MTREX: variants seen among roughly 807,000 people sequenced by gnomAD.
MTREX encodes the protein exosome RNA helicase MTR4.
Under a neutral mutation model 135.4 loss-of-function variants are expected in MTREX, and 76 were observed. The ratio of observed to expected loss-of-function variants is 0.56; its 90% confidence interval spans 0.47 to 0.68. The LOEUF (loss-of-function observed/expected upper bound fraction) is 0.68. Among genes scored for constraint, MTREX ranks in the 30% least tolerant of loss-of-function variants. MTREX has a pLI of 0.00. For synonymous variants in MTREX, 404 were observed against 401.6 expected (o/e 1.01, Z -0.07); for missense variants, 920 against 1,262.1 (o/e 0.73, Z 4.11).
intron 21 of MTREX, among the ~76,000 whole-genome samples, chr5:55,402,872 GTA>G (rs1554034711): frequency 7.2e-6 from 1 of 138,778 alleles, no homozygotes; most frequent in Admixed American, 7.4e-5. Context: ...GTGTGTGTGT[GTA>G]TATATATAAT....
At chr5:55,387,184 C>T (rs2045351) in intron 18 of MTREX, among the ~76,000 whole-genome samples, 150,609 of 152,184 alleles carry the variant, frequency 0.99, 74,554 homozygotes, top group Middle Eastern at 1. Flanking sequence ...TGATTTAAAA[C>T]AATTGTGATT....
Position 55,416,064 on chromosome 5 carries a change from A to G in MTREX, c.2903A>G (p.Asp968Gly). ...AGCTCATTTAAACCTCACTTAATGG[A>G]TGTAGTATATACCTGGGCAACTGGA... Reference protein sequence around the residue: ...YLSSFKPHLMDVVYTWATGAT... With the variant: ...YLSSFKPHLMGVVYTWATGAT... The change falls in exon 25 of 27, where the codon GAT (aspartate) becomes GGT (glycine). Residue 968 changes from aspartate (D) to glycine (G), a missense_variant. Transcript: ENST00000230640. 2 of 1,603,228 alleles carry G rather than the reference A, an allele frequency of 1.2e-6. No individual in the cohort carries two copies. The highest frequency in any genetic ancestry group is 1.7e-6 in the Non-Finnish European group (2 of 1,176,226).
intron 16 of MTREX, among the ~76,000 whole-genome samples, chr5:55,371,352 G>A (rs886770647): frequency 3.9e-5 from 6 of 152,078 alleles, no homozygotes; most frequent in Non-Finnish European, 7.4e-5. Flanking sequence ...TCATTTCCTA[G>A]TCACTCCCAG....
intron 20 of MTREX, 74 bp downstream of exon 20, chr5:55,397,600 A>G: frequency 2.5e-6 from 2 of 812,720 alleles, no homozygotes; most frequent in African/African-American, 1.7e-5. Context: ...GGCAACTGAA[A>G]TGCTTTTAAA....
chr5:55,320,837 A>G (rs1749277360), intron 1 of MTREX, among the ~76,000 whole-genome samples: 1 of 152,172 alleles, frequency 6.6e-6, no homozygotes, highest in Non-Finnish European at 1.5e-5. Context: ...GGGCAAAGTC[A>G]CAATTTTCCG....
In MTREX at chr5:55,414,234, T is replaced by C; in HGVS notation, c.2804T>C (p.Met935Thr). Reference protein sequence around the residue: ...TEQLAGPLRQMQECAKRIAKV... With the variant: ...TEQLAGPLRQTQECAKRIAKV... ...CAATTAGCAGGACCACTTCGTCAAA[T>C]GCAGGTAAGGTTTTTTTTTTTTTTT... The change falls in exon 24 of 27, where the codon ATG (methionine) becomes ACG (threonine). Residue 935 changes from methionine (M) to threonine (T), a missense_variant. This residue lies in a region of MTREX where 467 missense variants were observed against 589.7 expected (regional missense o/e 0.79). Transcript: ENST00000230640. 1 of 1,559,242 alleles carries C rather than the reference T, an allele frequency of 6.4e-7. No homozygotes were observed. The highest frequency in any genetic ancestry group is 1.2e-5 in the South Asian group (1 of 81,132).
intron 15 of MTREX, among the ~76,000 whole-genome samples, chr5:55,363,569 A>G (rs1579871404): frequency 6.6e-6 from 1 of 152,302 alleles, no homozygotes; most frequent in East Asian, 1.9e-4. Flanking sequence ...GTCTCTTGAT[A>G]CATTGTTTTA....
chr5:55,395,065 C>T (rs1750626769), intron 19 of MTREX, among the ~76,000 whole-genome samples: 1 of 149,934 alleles, frequency 6.7e-6, no homozygotes, highest in South Asian at 2.1e-4. Flanking sequence ...GATTTATAAC[C>T]ATATGAAAAT....
chr5:55,414,438 C>G (rs755671357), intron 24 of MTREX, among the ~76,000 whole-genome samples, 200 bp downstream of exon 24: 1 of 151,986 alleles, frequency 6.6e-6, no homozygotes, highest in Admixed American at 6.6e-5. Flanking sequence ...AATAATTAAA[C>G]AGTATTTCTT....
chr5:55,364,018 T>G (rs947867080), intron 15 of MTREX, among the ~76,000 whole-genome samples: 3 of 152,132 alleles, frequency 2.0e-5, no homozygotes, highest in African/African-American at 7.2e-5. Flanking sequence ...CAGGGAAATT[T>G]GAGATGATTC....
intron 25 of MTREX, among the ~76,000 whole-genome samples, chr5:55,417,754 A>G (rs898089855): frequency 7.2e-5 from 11 of 152,216 alleles, no homozygotes. Context: ...TTTTTGGAAC[A>G]TAAGGATGAA....
rs374491911 is a variant in MTREX, at chr5:55,351,056, C to G, written c.1431+27C>G. ...TATGGTTTTATTTTTATTTTTTATGCCCCCATATCATGTTGTATGAAGAGT... is the reference window on the plus strand; with the variant it reads ...TATGGTTTTATTTTTATTTTTTATGGCCCCATATCATGTTGTATGAAGAGT... On this transcript the variant is annotated intron_variant, in intron 13 of 26. Coordinates refer to ENST00000230640, the MANE Select transcript of MTREX (RefSeq NM_015360.5). 3.8e-6 allele frequency: 6 copies of G among 1,570,520 alleles called. No individual in the cohort carries two copies. The African/African-American group carries it at 6.9e-5, about 18-fold the overall frequency.
At chr5:55,413,515 C>G (rs951111430) in intron 23 of MTREX, among the ~76,000 whole-genome samples, 2 of 151,968 alleles carry the variant, frequency 1.3e-5, no homozygotes, top group Non-Finnish European at 2.9e-5. Context: ...TTTTATTTTT[C>G]TTTGACAGGG....
chr5:55,402,576 A>G (rs916111795), intron 21 of MTREX, among the ~76,000 whole-genome samples: 1 of 152,236 alleles, frequency 6.6e-6, no homozygotes, highest in African/African-American at 2.4e-5. Flanking sequence ...CTGCAATAAC[A>G]TGTAAGAAAG....
At chr5:55,417,926 T>TATTTTG (rs1364798529) in intron 25 of MTREX, among the ~76,000 whole-genome samples, 1 of 151,792 alleles carries the variant, frequency 6.6e-6, no homozygotes, top group Admixed American at 6.6e-5. Context: ...TTTTTATTTT[T>TATTTTG]TATTTTTTTT....
rs1313108477 is a variant in MTREX, at chr5:55,414,213, T to C, written c.2783T>C (p.Leu928Ser). 6.4e-7 allele frequency: 1 copy of C among 1,574,706 alleles called. No individual in the cohort carries two copies. Among genetic ancestry groups the C allele is most frequent in the Non-Finnish European group, 8.6e-7 (1 of 1,168,902 alleles). Residue 928 changes from leucine to serine, a missense_variant, in exon 24 of 27, where the codon TTA becomes TCA. This residue lies in a region of MTREX where 467 missense variants were observed against 589.7 expected (regional missense o/e 0.79). Transcript: ENST00000230640. ...GAGATGCCCAAATTAACAGAACAAT[T>C]AGCAGGACCACTTCGTCAAATGCAG... ...SSEMPKLTEQ[L>S]AGPLRQMQEC...
chr5:55,393,496 G>A (rs533137561), intron 19 of MTREX, among the ~76,000 whole-genome samples: 2 of 152,238 alleles, frequency 1.3e-5, no homozygotes, highest in South Asian at 4.1e-4. Context: ...ACCATATTTT[G>A]TTTCAGGTGA....
At position 55,377,998 on chromosome 5, in the gene MTREX, CA is replaced by C. The variant is rs56851771; in HGVS notation, c.1811-302del. Among the ~76,000 whole-genome samples, 535 of 134,572 alleles carry C rather than the reference CA, an allele frequency of 4.0e-3. 2 individuals are homozygous for C. The highest frequency in any genetic ancestry group is 7.4e-3 in the African/African-American group (274 of 36,860). 88.3% of individuals were successfully genotyped at this position (134,572 alleles called of 152,430 possible). A position where few individuals can be genotyped will look rare whatever the true frequency, so the allele number is the denominator to read the frequency against. On this transcript the variant is annotated intron_variant, in intron 16 of 26. Coordinates refer to ENST00000230640, the MANE Select transcript of MTREX (RefSeq NM_015360.5). Reference sequence around the variant, plus strand: ...GGAAGAAATGCTATACGGAAAGGTGCAAAAAAAAAAAAAATCATAATGGGCA... The same window carrying C: ...GGAAGAAATGCTATACGGAAAGGTGCAAAAAAAAAAAAATCATAATGGGCA...
At chr5:55,413,286 G>T (rs1490994552) in intron 23 of MTREX, among the ~76,000 whole-genome samples, 1 of 149,276 alleles carries the variant, frequency 6.7e-6, no homozygotes, top group Admixed American at 6.7e-5. Flanking sequence ...GCAGTGAGCC[G>T]AGATTGCACC....
Sources: gnomAD v4.1 joint callset for allele counts (sites outside exome capture counted in the v4.1 genomes callset) on GRCh38, gnomAD v4.1.1 for gene constraint, gnomAD v4.1.1 regional missense constraint, MANE v1.5 for transcripts, NCBI Gene and HGNC (gene_info 2026-07-23, HGNC 2026-07-21) for gene names.